FAM131A: variants seen among roughly 807,000 people sequenced by gnomAD.
FAM131A encodes the protein family with sequence similarity 131 member A, also known as protein FAM131A.
Under a neutral mutation model 39.2 loss-of-function variants are expected in FAM131A, and 24 were observed. The observed-to-expected ratio is 0.61, with a 90% CI of 0.44 to 0.86. The LOEUF (loss-of-function observed/expected upper bound fraction) is 0.86, where lower values mean the gene tolerates loss of function less well. FAM131A is among the 40% of genes least tolerant of loss of function. The probability of loss-of-function intolerance (pLI) is 0.00; values close to 1 mark genes in which losing one functional copy is unlikely to be tolerated. For missense variants in FAM131A, 373 were observed against 481.2 expected (o/e 0.78, Z 2.10); for synonymous variants, 202 against 206.8 (o/e 0.98, Z 0.20).
rs755437344 is a variant in FAM131A at position 184,344,807 on chromosome 3, C to T, written c.938C>T (p.Ser313Phe). The stretch of plus-strand genomic sequence containing the variant: ...CTCTACAACTCGCCCCTCACAGAGT[C>T]CTGCCTTTCCCCCGCGGAGGAGGAG... ...DSLYNSPLTE[S>F]CLSPAEEEPA... The change falls in exon 6 of 6, where the codon TCC becomes TTC. Residue 313 changes from serine to phenylalanine, a missense_variant. This residue lies in a region of FAM131A where 152 missense variants were observed against 133.5 expected (regional missense o/e 1.14). Coordinates refer to ENST00000383847, the MANE Select transcript of FAM131A (RefSeq NM_144635.5). The T allele has an allele frequency of 1.1e-5, 18 of 1,612,210 alleles. No individual in the cohort carries two copies. The South Asian group carries it at 2.0e-4, about 18-fold the overall frequency.
At chr3:184,341,999 A>G in intron 3 of FAM131A, 67 bp from the exon 4 acceptor site, 1 of 1,592,056 alleles carries the variant, frequency 6.3e-7, no homozygotes, top group Non-Finnish European at 8.6e-7. Flanking sequence ...CCACCCTTCC[A>G]CCTCCCTGCA....
upstream of FAM131A, chr3:184,337,489 G>C: frequency 2.8e-6 from 2 of 720,790 alleles, no homozygotes; most frequent in Non-Finnish European, 4.7e-6. Context: ...CATGAGGCAG[G>C]AATGTTCTCC....
rs1280618673 is a variant in FAM131A at position 184,342,731 on chromosome 3, G to C, written c.509-13G>C. On this transcript the variant is annotated splice_polypyrimidine_tract_variant and intron_variant, in intron 4 of 5. Coordinates refer to ENST00000383847, the MANE Select transcript of FAM131A (RefSeq NM_144635.5). The surrounding 1 kb of genome is among the most constrained non-coding windows in gnomAD (Gnocchi z 4.6). Reference sequence around the variant, plus strand: ...CTCACCTTCTCTGCTTATGCATTCTGTCCCTGCGACAGGAGTGGCTGAGCA... The same window carrying C: ...CTCACCTTCTCTGCTTATGCATTCTCTCCCTGCGACAGGAGTGGCTGAGCA... The C allele has an allele frequency of 6.2e-7, 1 of 1,610,408 alleles. No individual in the cohort carries two copies. Among genetic ancestry groups the C allele is most frequent in the East Asian group, 2.2e-5 (1 of 44,804 alleles).
Position 184,345,931 on chromosome 3 carries a change from C to T in FAM131A, c.*961C>T. Reference sequence around the variant, plus strand: ...GTGAGTGACAGTCATGAGGGAGTGTCTCTTCTTGGGGAGGAAAGAAGGTAG... The same window carrying T: ...GTGAGTGACAGTCATGAGGGAGTGTTTCTTCTTGGGGAGGAAAGAAGGTAG... On this transcript the variant is annotated 3_prime_UTR_variant, in exon 6 of 6. Transcript: ENST00000383847. 1 of 331,694 alleles carries T rather than the reference C, an allele frequency of 3.0e-6. No homozygotes were observed. Among genetic ancestry groups the T allele is most frequent in the East Asian group, 6.0e-5 (1 of 16,642 alleles). The allele number at this position is 331,694 out of a possible 1,614,324, so 20.5% of individuals were successfully genotyped here.
chr3:184,345,949 G>T lies in FAM131A; in HGVS notation c.*979G>T. The stretch of plus-strand genomic sequence containing the variant: ...GGAGTGTCTCTTCTTGGGGAGGAAA[G>T]AAGGTAGAGCCTTTCTGTCTGAATG... On this transcript the variant is annotated 3_prime_UTR_variant, in exon 6 of 6. Transcript: ENST00000383847. 3.4e-6 allele frequency: 1 copy of T among 293,242 alleles called. No homozygotes were observed. 18.2% of individuals were successfully genotyped at this position (293,242 alleles called of 1,614,324 possible). A position where few individuals can be genotyped will look rare whatever the true frequency, so the allele number is the denominator to read the frequency against.
chr3:184,342,328 G>T lies in FAM131A; in HGVS notation c.508+80G>T, dbSNP rs930694328. 1 of 1,461,334 alleles carries T rather than the reference G, an allele frequency of 6.8e-7. No homozygotes were observed. The highest frequency in any genetic ancestry group is 9.0e-7 in the Non-Finnish European group (1 of 1,107,278). The allele number at this position is 1,461,334 out of a possible 1,614,324, so 90.5% of individuals were successfully genotyped here. ...TTTATTTTATTTAATTTTTTTTTGAGACGGAGTCTCACTCTGTCGCCCAGG... is the reference window on the plus strand; with the variant it reads ...TTTATTTTATTTAATTTTTTTTTGATACGGAGTCTCACTCTGTCGCCCAGG... On this transcript the variant is annotated intron_variant, in intron 4 of 5. Coordinates refer to ENST00000383847, the MANE Select transcript of FAM131A (RefSeq NM_144635.5). The surrounding 1 kb of genome is among the most constrained non-coding windows in gnomAD (Gnocchi z 4.6).
In FAM131A at chr3:184,341,811, C is replaced by T. The variant is rs1343889523; in HGVS notation, c.319C>T (p.Leu107=). Residue 107 remains leucine, a synonymous_variant, in exon 3 of 6, where the codon CTG becomes TTG. Transcript: ENST00000383847. The stretch of plus-strand genomic sequence containing the variant: ...GATCGCTGCGCTGGCCAGGTCCTCC[C>T]TGCATGGTATGCAGCCCCTCCCATG... ...QEIAALARSS[L]HGISQVVKDH... The T allele has an allele frequency of 6.2e-7, 1 of 1,614,220 alleles. No individual in the cohort carries two copies. Among genetic ancestry groups the T allele is most frequent in the Admixed American group, 1.7e-5 (1 of 60,034 alleles).
At position 184,345,364 on chromosome 3, in the gene FAM131A, C is replaced by G. The variant is rs146761380; in HGVS notation, c.*394C>G. The G allele has an allele frequency of 1.2e-4, 73 of 605,896 alleles. No individual in the cohort carries two copies. The East Asian group carries it at 1.2e-3, about 10-fold the overall frequency. The allele number at this position is 605,896 out of a possible 1,614,324, so 37.5% of individuals were successfully genotyped here. A position where few individuals can be genotyped will look rare whatever the true frequency, so the allele number is the denominator to read the frequency against. ...GGGCCCAGCAACCCCCCACCCTCCC[C>G]ATGCCTCTCTCTTCTCTGCTTTTCT... On this transcript the variant is annotated 3_prime_UTR_variant, in exon 6 of 6. Coordinates refer to ENST00000383847, the MANE Select transcript of FAM131A (RefSeq NM_144635.5).
At chr3:184,338,148 G>A (rs1727204250) in intron 1 of FAM131A, among the ~76,000 whole-genome samples, 2 of 152,146 alleles carry the variant, frequency 1.3e-5, no homozygotes, top group South Asian at 4.1e-4. Context: ...CTAGGGTTTT[G>A]AGGCAAAATT....
At position 184,342,091 on chromosome 3, in the gene FAM131A, C is replaced by T. The variant is rs555077816; in HGVS notation, c.351C>T (p.His117=). 2.7e-5 allele frequency: 44 copies of T among 1,614,238 alleles called. No individual in the cohort carries two copies. The highest frequency in any genetic ancestry group is 1.6e-4 in the South Asian group (15 of 91,090). ...GTATTTCCCAGGTGGTGAAGGACCA[C>T]GTGACCAAGCCTACCGCCATGGCCC... ...LHGISQVVKD[H]VTKPTAMAQG... The change falls in exon 4 of 6, where the codon CAC becomes CAT. Residue 117 remains histidine, a synonymous_variant. Transcript: ENST00000383847. The surrounding 1 kb of genome is among the most constrained non-coding windows in gnomAD (Gnocchi z 4.6).
chr3:184,338,519 A>AC lies in FAM131A; in HGVS notation c.222dup (p.Pro76AlafsTer59), dbSNP rs1189736326. On this transcript the variant is annotated frameshift_variant, in exon 2 of 6. Coordinates refer to ENST00000383847, the MANE Select transcript of FAM131A (RefSeq NM_144635.5). LOFTEE classifies it high-confidence loss of function. ...CGCCCTTCCTCGGTGGACAGTCAGG[A>AC]CTTGCCAGAGGTGCTGGGCCCCTGG... 1 of 1,536,048 alleles carries AC rather than the reference A, an allele frequency of 6.5e-7. No homozygotes were observed. The highest frequency in any genetic ancestry group is 2.0e-5 in the Admixed American group (1 of 50,852).
Position 184,337,720 on chromosome 3 carries a change from T to TGA in FAM131A, c.88+5_88+6dup. ...GGACTTGTCAGACAAGTCGCAGAGG[T>TGA]GAGACCAGGGATCATGGATGTGATC... On this transcript the variant is annotated splice_region_variant and intron_variant, in intron 1 of 5. Coordinates refer to ENST00000383847, the MANE Select transcript of FAM131A (RefSeq NM_144635.5). The TGA allele has an allele frequency of 6.5e-7, 1 of 1,536,802 alleles. No homozygotes were observed. The highest frequency in any genetic ancestry group is 1.2e-5 in the South Asian group (1 of 84,036).
upstream of FAM131A, among the ~76,000 whole-genome samples, chr3:184,336,718 T>C (rs1727126204): frequency 6.6e-6 from 1 of 152,152 alleles, no homozygotes; most frequent in South Asian, 2.1e-4. The surrounding 1 kb of genome is among the most constrained non-coding windows in gnomAD (Gnocchi z 5.5). Flanking sequence ...CTCTCACCTA[T>C]TACAGTTGTT....
chr3:184,342,819 A>T lies in FAM131A; in HGVS notation c.584A>T (p.Asp195Val). 1 of 1,613,826 alleles carries T rather than the reference A, an allele frequency of 6.2e-7. No homozygotes were observed. Among genetic ancestry groups the T allele is most frequent in the Non-Finnish European group, 8.5e-7 (1 of 1,179,772 alleles). ...TCGGTGGATGGCGAGGACTCCACTG[A>T]TGACTCCTATGATGAGGACTTTGCT... ...WSSVDGEDST[D>V]DSYDEDFAGG... Residue 195 changes from aspartate (D) to valine (V), a missense_variant, in exon 5 of 6, where the codon GAT becomes GTT. Physicochemically the swap from Asp to Val is radical, Grantham distance 152. This residue lies in a region of FAM131A where 221 missense variants were observed against 347.7 expected (regional missense o/e 0.64). Transcript: ENST00000383847. The surrounding 1 kb of genome is among the most constrained non-coding windows in gnomAD (Gnocchi z 4.6).
rs760547288 is a variant in FAM131A at position 184,341,790 on chromosome 3, G to C, written c.298G>C (p.Ala100Pro). 6.2e-7 allele frequency: 1 copy of C among 1,613,942 alleles called. No individual in the cohort carries two copies. The highest frequency in any genetic ancestry group is 1.1e-5 in the South Asian group (1 of 91,074). ...GCGAGCCCTAACTATCCAGGAGATCGCTGCGCTGGCCAGGTCCTCCCTGCA... is the reference window on the plus strand; with the variant it reads ...GCGAGCCCTAACTATCCAGGAGATCCCTGCGCTGGCCAGGTCCTCCCTGCA... The part of the protein sequence containing the change: ...SRRALTIQEI[A>P]ALARSSLHGI... The change falls in exon 3 of 6, where the codon GCT becomes CCT. Residue 100 changes from alanine to proline, a missense_variant. Coordinates refer to ENST00000383847, the MANE Select transcript of FAM131A (RefSeq NM_144635.5).
chr3:184,337,607 G>A lies in FAM131A; in HGVS notation c.-24G>A, dbSNP rs1577282774. On this transcript the variant is annotated 5_prime_UTR_variant, in exon 1 of 6. Coordinates refer to ENST00000383847, the MANE Select transcript of FAM131A (RefSeq NM_144635.5). ...AGCCTGGAGCGGTTCTGGGCTTTTG[G>A]TTCTCTGCATCAACACAGCCAGCAT... 6.5e-7 allele frequency: 1 copy of A among 1,536,868 alleles called. No homozygotes were observed. The highest frequency in any genetic ancestry group is 2.4e-5 in the East Asian group (1 of 40,918).
intron 1 of FAM131A, 97 bp downstream of exon 1, chr3:184,337,815 T>A: frequency 8.0e-7 from 1 of 1,247,690 alleles, no homozygotes; most frequent in Non-Finnish European, 1.1e-6. Context: ...GCTTAGATAT[T>A]AAGAACCAGG....
chr3:184,337,541 C>A, upstream of FAM131A: 1 of 1,218,990 alleles, frequency 8.2e-7, no homozygotes, highest in Non-Finnish European at 1.2e-6. Context: ...AGGGGACTGG[C>A]TCAGCATCCG....
At chr3:184,336,923 C>T (rs553800600), upstream of FAM131A, among the ~76,000 whole-genome samples, 25 of 152,296 alleles carry the variant, frequency 1.6e-4, no homozygotes, top group South Asian at 3.7e-3. The surrounding 1 kb of genome is among the most constrained non-coding windows in gnomAD (Gnocchi z 5.5). Flanking sequence ...TCCTTTACTC[C>T]GGTGTGGTGG....
Sources: allele counts gnomAD v4.1 joint callset (sites outside exome capture counted in the v4.1 genomes callset), GRCh38; gene constraint gnomAD v4.1.1; regional missense constraint gnomAD v4.1.1; non-coding constraint Gnocchi (gnomAD v3.1); transcripts MANE v1.5; gene names NCBI Gene and HGNC (gene_info 2026-07-23, HGNC 2026-07-21).